Variants in CDH18 observed in about 807,000 individuals in gnomAD.
CDH18 encodes cadherin 18, also known as cadherin-18.
In CDH18, 31 loss-of-function variants were observed where a neutral mutation model predicts 67.9. That is an observed-to-expected ratio of 0.46 (90% confidence interval 0.34 to 0.62). The LOEUF is 0.62. Among genes scored for constraint, CDH18 ranks in the 20% least tolerant of loss-of-function variants. CDH18 has a pLI of 0.01. For missense variants in CDH18, 890 were observed against 975.5 expected (o/e 0.91, Z 1.17); for synonymous variants, 362 against 347.2 (o/e 1.04, Z -0.48).
At chr5:19,656,633 T>C (rs1756447437) in intron 5 of CDH18, among the ~76,000 whole-genome samples, 1 of 152,096 alleles carries the variant, frequency 6.6e-6, no homozygotes, top group Non-Finnish European at 1.5e-5. Flanking sequence ...GCACTTTTGG[T>C]GCAAACAAGC....
At chr5:19,962,261 G>T (rs1387554963) in intron 2 of CDH18, among the ~76,000 whole-genome samples, 2 of 148,142 alleles carry the variant, frequency 1.4e-5, no homozygotes, top group Non-Finnish European at 3.0e-5. Flanking sequence ...GGGTTTTAAA[G>T]ATGGAAAAAT....
intron 2 of CDH18, among the ~76,000 whole-genome samples, chr5:19,877,663 G>T (rs1561492675): frequency 6.6e-6 from 1 of 152,110 alleles, no homozygotes; most frequent in African/African-American, 2.4e-5. Flanking sequence ...GAACATTACA[G>T]CTTGGAAGTA....
At chr5:20,179,247 A>C (rs2126677543) in intron 2 of CDH18, among the ~76,000 whole-genome samples, 1 of 152,258 alleles carries the variant, frequency 6.6e-6, no homozygotes, top group Admixed American at 6.5e-5. Flanking sequence ...TCTAACAATA[A>C]TTTTGCAAGA....
intron 2 of CDH18, among the ~76,000 whole-genome samples, chr5:20,249,691 G>A (rs1029393540): frequency 1.3e-5 from 2 of 152,012 alleles, no homozygotes; most frequent in Non-Finnish European, 2.9e-5. Flanking sequence ...AACTTATAAT[G>A]CAGTTTATGG....
intron 2 of CDH18, among the ~76,000 whole-genome samples, chr5:20,086,275 T>C (rs757204189): frequency 1.3e-5 from 2 of 152,172 alleles, no homozygotes; most frequent in Non-Finnish European, 2.9e-5. Context: ...CAAGGAAAAT[T>C]TGAAGTTAGA....
At chr5:19,628,462 A>G (rs1751888143) in intron 5 of CDH18, among the ~76,000 whole-genome samples, 1 of 152,156 alleles carries the variant, frequency 6.6e-6, no homozygotes, top group Non-Finnish European at 1.5e-5. Context: ...GTTAAAAGAG[A>G]AATGAAATAA....
At chr5:19,866,837 A>G (rs1785583576) in intron 2 of CDH18, among the ~76,000 whole-genome samples, 1 of 152,178 alleles carries the variant, frequency 6.6e-6, no homozygotes. Context: ...CACACCTGTA[A>G]TCCCAGCACT....
At chr5:20,108,351 C>T (rs1747162926) in intron 2 of CDH18, among the ~76,000 whole-genome samples, 1 of 152,062 alleles carries the variant, frequency 6.6e-6, no homozygotes, top group African/African-American at 2.4e-5. Flanking sequence ...CTCGGCTTTC[C>T]AAAGTGCTAA....
chr5:20,509,997 A>G (rs941825570), intron 1 of CDH18, among the ~76,000 whole-genome samples: 1 of 152,194 alleles, frequency 6.6e-6, no homozygotes, highest in Non-Finnish European at 1.5e-5. Context: ...ACAAGTTTTC[A>G]TCATTCCCAC....
At chr5:20,438,955 T>G (rs1749388573) in intron 1 of CDH18, among the ~76,000 whole-genome samples, 1 of 151,534 alleles carries the variant, frequency 6.6e-6, no homozygotes, top group Non-Finnish European at 1.5e-5. Context: ...GTTCCATGCC[T>G]TTTTAAAAAA....
intron 2 of CDH18, among the ~76,000 whole-genome samples, chr5:19,969,358 G>T (rs1377376536): frequency 1.4e-5 from 2 of 147,930 alleles, no homozygotes; most frequent in East Asian, 3.9e-4. Context: ...ATACCCAAAG[G>T]ACTATAAATC....
chr5:19,847,082 T>C (rs1158475425), intron 2 of CDH18, among the ~76,000 whole-genome samples: 1 of 152,098 alleles, frequency 6.6e-6, no homozygotes, highest in Non-Finnish European at 1.5e-5. Flanking sequence ...TGACTTTTAG[T>C]AGTTTGATTG....
chr5:20,536,426 C>T (rs1481763838), intron 1 of CDH18, among the ~76,000 whole-genome samples: 1 of 152,080 alleles, frequency 6.6e-6, no homozygotes, highest in African/African-American at 2.4e-5. Context: ...AATAAAAAGC[C>T]ATTACTGTTT....
chr5:20,187,081 AAAG>A (rs1174803946), intron 2 of CDH18, among the ~76,000 whole-genome samples: 1 of 152,036 alleles, frequency 6.6e-6, no homozygotes, highest in East Asian at 1.9e-4. Flanking sequence ...TAAGGAACTT[AAAG>A]TAGTCAAATT....
At chr5:19,774,447 T>TAAAATAAAATAAAATAAAATAAAATA (rs370475987) in intron 3 of CDH18, among the ~76,000 whole-genome samples, 4 of 145,026 alleles carry the variant, frequency 2.8e-5, no homozygotes, top group Non-Finnish European at 4.6e-5. Context: ...TAAAATAAAA[T>TAAAATAAAATAAAATAAAATAAAATA]AAATAAATAA....
At chr5:20,278,108 G>T (rs989826558) in intron 1 of CDH18, among the ~76,000 whole-genome samples, 1 of 152,056 alleles carries the variant, frequency 6.6e-6, no homozygotes, top group Non-Finnish European at 1.5e-5. Context: ...TTATTCAAAG[G>T]TCTAATAACT....
Position 19,724,985 on chromosome 5 carries a change from G to A in CDH18, c.524-3519C>T, listed in dbSNP as rs181833599. On this transcript the variant is annotated intron_variant, in intron 4 of 12. Coordinates refer to ENST00000382275, the MANE Select transcript of CDH18 (RefSeq NM_004934.5). ...TCTGTCACCTAGGCTGGAGTGCAGT[G>A]GCACTATCTGGGCTCACTGCAAGCT... Among the ~76,000 whole-genome samples the A allele has an allele frequency of 1.4e-3, 214 of 150,008 alleles. 1 individual carries two copies. Among genetic ancestry groups the A allele is most frequent in the African/African-American group, 5.0e-3 (204 of 40,536 alleles).
chr5:20,076,241 G>A (rs1485181277), intron 2 of CDH18, among the ~76,000 whole-genome samples: 7 of 151,220 alleles, frequency 4.6e-5, no homozygotes, highest in Non-Finnish European at 1.0e-4. Flanking sequence ...TATATAATAT[G>A]TACATTTTAA....
At chr5:19,544,710 T>A (rs1736017121) in intron 8 of CDH18, among the ~76,000 whole-genome samples, 2 of 152,162 alleles carry the variant, frequency 1.3e-5, no homozygotes, top group African/African-American at 4.8e-5. Flanking sequence ...CTAGGTTTCA[T>A]GAGACTTTGT....
Sources: gnomAD v4.1 joint callset for allele counts (sites outside exome capture counted in the v4.1 genomes callset) on GRCh38, gnomAD v4.1.1 for gene constraint, MANE v1.5 for transcripts, NCBI Gene and HGNC (gene_info 2026-07-23, HGNC 2026-07-21) for gene names.